Variants in TRPC4 observed in about 807,000 individuals in gnomAD.
TRPC4 encodes transient receptor potential cation channel subfamily C member 4.
TRPC4 carries 49 observed loss-of-function variants against 99.4 expected under a neutral mutation model. That is an observed-to-expected ratio of 0.49 (90% CI 0.39 to 0.63). TRPC4 has a LOEUF of 0.63. Among genes scored for constraint, TRPC4 ranks in the 20% least tolerant of loss-of-function variants. The pLI is 0.00. For synonymous variants in TRPC4, 454 were observed against 425.9 expected, an observed-to-expected ratio of 1.07 and a Z score of -0.81; for missense variants, 898 against 1,152.9, an observed-to-expected ratio of 0.78 and a Z score of 3.20.
chr13:37,747,465 C>A (rs1210135421), intron 2 of TRPC4, among the ~76,000 whole-genome samples: 1 of 151,870 alleles, frequency 6.6e-6, no homozygotes. Context: ...GCCATAGAGG[C>A]ATTTATGAAA....
intron 6 of TRPC4, among the ~76,000 whole-genome samples, chr13:37,660,476 C>T: frequency 6.6e-6 from 1 of 152,040 alleles, no homozygotes; most frequent in East Asian, 1.9e-4. Context: ...AATAAGATAT[C>T]TTGTATAGGC....
rs141369927 is a variant in TRPC4, at chr13:37,644,504, C to T, written c.2080-5205G>A. ...AATAATAACTTAGGTAGAATTATAG[C>T]ATGGTAGACCTGTGTTAGGAATAAA... On this transcript the variant is annotated intron_variant, in intron 8 of 10. Coordinates refer to ENST00000379705, the MANE Select transcript of TRPC4 (RefSeq NM_016179.4). Among the ~76,000 whole-genome samples the T allele has an allele frequency of 2.3e-3, 351 of 152,208 alleles. 1 individual carries two copies. The highest frequency in any genetic ancestry group is 8.2e-3 in the African/African-American group (339 of 41,530).
At chr13:37,803,503 A>G (rs930397753) in intron 1 of TRPC4, among the ~76,000 whole-genome samples, 3 of 152,120 alleles carry the variant, frequency 2.0e-5, no homozygotes, top group Non-Finnish European at 4.4e-5. Flanking sequence ...CTACAGGGTG[A>G]AGAGTAAACA....
chr13:37,843,584 G>A (rs1958801280), intron 1 of TRPC4, among the ~76,000 whole-genome samples: 1 of 152,080 alleles, frequency 6.6e-6, no homozygotes, highest in South Asian at 2.1e-4. Flanking sequence ...ACCCAGTAGT[G>A]TTAATATATC....
intron 1 of TRPC4, among the ~76,000 whole-genome samples, chr13:37,866,646 C>T (rs1014397694): frequency 6.6e-6 from 1 of 151,680 alleles, no homozygotes; most frequent in Non-Finnish European, 1.5e-5. Flanking sequence ...ATTAAAAAGA[C>T]ACAGCCATGA....
intron 1 of TRPC4, among the ~76,000 whole-genome samples, chr13:37,832,887 C>CTTTAT (rs1318607074): frequency 4.6e-5 from 7 of 152,086 alleles, no homozygotes; most frequent in Non-Finnish European, 8.8e-5. Context: ...AACCTCTAAA[C>CTTTAT]CCTTTAAAAA....
chr13:37,834,543 T>C (rs1212589502), intron 1 of TRPC4, among the ~76,000 whole-genome samples: 1 of 152,216 alleles, frequency 6.6e-6, no homozygotes, highest in Non-Finnish European at 1.5e-5. Flanking sequence ...ACTTTCCTCA[T>C]AAATTCCCAA....
chr13:37,703,589 T>G (rs550989369), intron 3 of TRPC4, among the ~76,000 whole-genome samples: 2 of 152,130 alleles, frequency 1.3e-5, no homozygotes, highest in African/African-American at 4.8e-5. Flanking sequence ...GCCCAACATC[T>G]GTTGCACATT....
chr13:37,738,116 T>G (rs1044142722), intron 3 of TRPC4, among the ~76,000 whole-genome samples: 1 of 152,136 alleles, frequency 6.6e-6, no homozygotes, highest in Non-Finnish European at 1.5e-5. Context: ...CTCTTCTGTT[T>G]TGAAGATAGG....
chr13:37,768,573 T>C (rs1956456436), intron 2 of TRPC4, among the ~76,000 whole-genome samples: 1 of 151,356 alleles, frequency 6.6e-6, no homozygotes, highest in Admixed American at 6.6e-5. Context: ...AAGAATGAAA[T>C]ATTTTAGCAA....
intron 3 of TRPC4, among the ~76,000 whole-genome samples, chr13:37,710,558 T>C (rs1307686809): frequency 1.3e-5 from 2 of 151,934 alleles, no homozygotes; most frequent in Non-Finnish European, 2.9e-5. Context: ...GTATGGAAAT[T>C]ATTGGTTTTC....
intron 1 of TRPC4, among the ~76,000 whole-genome samples, chr13:37,813,745 C>T (rs948191586): frequency 3.3e-5 from 5 of 151,708 alleles, no homozygotes; most frequent in African/African-American, 9.7e-5. Flanking sequence ...AAAATAACTT[C>T]ACCAAGAAAA....
intron 3 of TRPC4, among the ~76,000 whole-genome samples, chr13:37,741,516 C>CAACCTTA (rs1261027463): frequency 6.6e-6 from 1 of 152,134 alleles, no homozygotes; most frequent in Non-Finnish European, 1.5e-5. Context: ...GTCAAGGGAG[C>CAACCTTA]AACCTTAAAC....
chr13:37,761,365 C>T (rs1956218211), intron 2 of TRPC4, among the ~76,000 whole-genome samples: 1 of 151,798 alleles, frequency 6.6e-6, no homozygotes, highest in African/African-American at 2.4e-5. Context: ...CAGCCTGACT[C>T]CAGAGTCTAA....
At chr13:37,682,996 A>G (rs1369670567) in intron 4 of TRPC4, among the ~76,000 whole-genome samples, 1 of 144,848 alleles carries the variant, frequency 6.9e-6, no homozygotes, top group African/African-American at 2.6e-5. Context: ...AACTCCTGGC[A>G]TCAAGCAATC....
chr13:37,686,593 C>T (rs1953489547), intron 4 of TRPC4, among the ~76,000 whole-genome samples: 1 of 152,022 alleles, frequency 6.6e-6, no homozygotes. Context: ...TTAATATCCA[C>T]CTTTTAAAAC....
At chr13:37,743,274 G>A (rs1018049036) in intron 3 of TRPC4, among the ~76,000 whole-genome samples, 7 of 151,948 alleles carry the variant, frequency 4.6e-5, no homozygotes, top group Admixed American at 4.6e-4. Flanking sequence ...GTTTTATCTT[G>A]TATTATTAGG....
At chr13:37,657,427 C>G (rs912502982) in intron 6 of TRPC4, among the ~76,000 whole-genome samples, 6 of 152,198 alleles carry the variant, frequency 3.9e-5, no homozygotes, top group Non-Finnish European at 8.8e-5. Flanking sequence ...GCCATGAATT[C>G]TTTATTTTTA....
chr13:37,642,734 T>TG lies in TRPC4; in HGVS notation c.2080-3436_2080-3435insC, dbSNP rs1555248667. Among the ~76,000 whole-genome samples the TG allele has an allele frequency of 1.4e-3, 185 of 130,254 alleles. 2 individuals are homozygous for TG. The highest frequency in any genetic ancestry group is 4.9e-3 in the African/African-American group (174 of 35,184). The allele number at this position is 130,254 out of a possible 152,430, so 85.5% of individuals were successfully genotyped here. A position where few individuals can be genotyped will look rare whatever the true frequency, so the allele number is the denominator to read the frequency against. On this transcript the variant is annotated intron_variant, in intron 8 of 10. Transcript: ENST00000379705. ...GATATGGAAATATGATTCTTTCTTT[T>TG]TCTTTTTTTTTTTTTTTTTTGAGAT...
Sources: allele counts gnomAD v4.1 joint callset (sites outside exome capture counted in the v4.1 genomes callset), GRCh38; gene constraint gnomAD v4.1.1; transcripts MANE v1.5; gene names NCBI Gene and HGNC (gene_info 2026-07-23, HGNC 2026-07-21).